The following SMAD3 variants were observed in gnomAD, a reference collection of about 807,000 sequenced individuals.
SMAD3 encodes MAD homolog 3.
A neutral mutation model predicts 51.8 loss-of-function variants in SMAD3; 12 were observed. That is an observed-to-expected ratio of 0.23 (90% CI 0.15 to 0.38). The LOEUF (loss-of-function observed/expected upper bound fraction) is 0.38, where lower values mean the gene tolerates loss of function less well. Ranked by LOEUF, SMAD3 falls within the 10% of genes least tolerant of loss-of-function variation. The pLI, the probability that SMAD3 is intolerant of heterozygous loss-of-function variation, is 1.00. For synonymous variants in SMAD3, 238 were observed against 227.7 expected (o/e 1.05, Z -0.41); for missense variants, 294 against 565.6 (o/e 0.52, Z 4.87).
chr15:67,081,162 G>A (rs973590134), intron 1 of SMAD3, among the ~76,000 whole-genome samples: 4 of 152,150 alleles, frequency 2.6e-5, no homozygotes, highest in Non-Finnish European at 5.9e-5. Flanking sequence ...AATAGAACAC[G>A]ATGCATTTCC....
chr15:67,164,609 G>C (rs944609734), intron 1 of SMAD3, among the ~76,000 whole-genome samples: 1 of 152,200 alleles, frequency 6.6e-6, no homozygotes, highest in Non-Finnish European at 1.5e-5. Flanking sequence ...CCCTTCCCAT[G>C]GAATGCCACT....
At chr15:67,135,558 T>A (rs184083653) in intron 1 of SMAD3, among the ~76,000 whole-genome samples, 279 of 152,276 alleles carry the variant, frequency 1.8e-3, no homozygotes, top group Middle Eastern at 6.8e-3. Flanking sequence ...TGTTTTTTTT[T>A]AAAAAAAACT....
In SMAD3 at chr15:67,193,145, G is replaced by C. The variant is rs1225005736; in HGVS notation, c.*2609G>C. Reference sequence around the variant, plus strand: ...CTAGTTTTCTTAGTTTTAAAATCCTGTTGTATGAATGGCATTTGTATATTA... The same window carrying C: ...CTAGTTTTCTTAGTTTTAAAATCCTCTTGTATGAATGGCATTTGTATATTA... On this transcript the variant is annotated 3_prime_UTR_variant, in exon 9 of 9. Transcript: ENST00000327367. 8.6e-6 allele frequency: 2 copies of C among 233,272 alleles called. No individual in the cohort carries two copies. Among genetic ancestry groups the C allele is most frequent in the African/African-American group, 4.4e-5 (2 of 45,344 alleles). The allele number at this position is 233,272 out of a possible 1,614,324, so 14.5% of individuals were successfully genotyped here.
chr15:67,173,651 A>G (rs1236069529), intron 5 of SMAD3, among the ~76,000 whole-genome samples: 1 of 151,980 alleles, frequency 6.6e-6, no homozygotes, highest in Non-Finnish European at 1.5e-5. Context: ...TTGATTGGGG[A>G]GGTTTTCTGA....
In SMAD3 at chr15:67,191,202, C is replaced by A; in HGVS notation, c.*666C>A. 1 of 233,680 alleles carries A rather than the reference C, an allele frequency of 4.3e-6. No individual in the cohort carries two copies. Among genetic ancestry groups the A allele is most frequent in the Non-Finnish European group, 8.5e-6 (1 of 118,298 alleles). The allele number at this position is 233,680 out of a possible 1,614,324, so 14.5% of individuals were successfully genotyped here. A position where few individuals can be genotyped will look rare whatever the true frequency, so the allele number is the denominator to read the frequency against. ...CTGCACACAGGACAGCGGGAAAAATCGATGAGCGCCACCTCTTTAAAAACT... is the reference window on the plus strand; with the variant it reads ...CTGCACACAGGACAGCGGGAAAAATAGATGAGCGCCACCTCTTTAAAAACT... On this transcript the variant is annotated 3_prime_UTR_variant, in exon 9 of 9. Transcript: ENST00000327367.
chr15:67,076,573 G>A (rs910899600), intron 1 of SMAD3, among the ~76,000 whole-genome samples: 12 of 152,202 alleles, frequency 7.9e-5, no homozygotes, highest in African/African-American at 2.9e-4. Context: ...TGACCCAGAC[G>A]TGGTGGCTAT....
chr15:67,083,242 G>A (rs1293226397), intron 1 of SMAD3, among the ~76,000 whole-genome samples: 1 of 152,228 alleles, frequency 6.6e-6, no homozygotes, highest in African/African-American at 2.4e-5. Context: ...TTGGGGAGAC[G>A]GAGGCCCTGA....
intron 1 of SMAD3, among the ~76,000 whole-genome samples, chr15:67,137,302 A>G (rs890128263): frequency 1.3e-5 from 2 of 152,220 alleles, no homozygotes; most frequent in African/African-American, 2.4e-5. Flanking sequence ...TTAGTACCAC[A>G]GCCATTTTCT....
At position 67,138,021 on chromosome 15, in the gene SMAD3, A is replaced by G. The variant is rs1961709192; in HGVS notation, c.207-26874A>G. ...CCCGTCCCTGTGACCTCCCAACTTCACAAACATGTCTTGCCTGCACCCTAG... is the reference window on the plus strand; with the variant it reads ...CCCGTCCCTGTGACCTCCCAACTTCGCAAACATGTCTTGCCTGCACCCTAG... On this transcript the variant is annotated intron_variant, in intron 1 of 8. Coordinates refer to ENST00000327367, the MANE Select transcript of SMAD3 (RefSeq NM_005902.4). 3.2e-6 allele frequency: 5 copies of G among 1,551,298 alleles called. No homozygotes were observed. The East Asian group carries it at 1.2e-4, about 38-fold the overall frequency.
At chr15:67,163,076 T>A (rs893632367) in intron 1 of SMAD3, among the ~76,000 whole-genome samples, 1 of 151,886 alleles carries the variant, frequency 6.6e-6, no homozygotes, top group Non-Finnish European at 1.5e-5. Flanking sequence ...CAGGTTCAAG[T>A]GATTCTCCTG....
intron 3 of SMAD3, chr15:67,166,527 G>C: frequency 1.7e-6 from 1 of 583,746 alleles, no homozygotes; most frequent in African/African-American, 1.9e-5. Context: ...GAGGCTCTAG[G>C]AGTACACATT....
In SMAD3 at chr15:67,194,787, T is replaced by A. The variant is rs1963460065; in HGVS notation, c.*4251T>A. The A allele has an allele frequency of 8.6e-6, 2 of 232,220 alleles. No individual in the cohort carries two copies. Among genetic ancestry groups the A allele is most frequent in the African/African-American group, 4.4e-5 (2 of 45,250 alleles). The allele number at this position is 232,220 out of a possible 1,614,324, so 14.4% of individuals were successfully genotyped here. A position where few individuals can be genotyped will look rare whatever the true frequency, so the allele number is the denominator to read the frequency against. The stretch of plus-strand genomic sequence containing the variant: ...CAGCTCTGAGTCAAATCTGGGCCCT[T>A]CCACAAGGGTCCTCTGAACCAAGCC... On this transcript the variant is annotated 3_prime_UTR_variant, in exon 9 of 9. Transcript: ENST00000327367.
chr15:67,132,861 ACTC>A (rs1460056882), intron 1 of SMAD3, among the ~76,000 whole-genome samples: 1 of 151,910 alleles, frequency 6.6e-6, no homozygotes, highest in Non-Finnish European at 1.5e-5. Flanking sequence ...ATTCTGATAA[ACTC>A]CTTGAGTTGA....
intron 1 of SMAD3, among the ~76,000 whole-genome samples, chr15:67,098,347 G>A (rs62006011): frequency 8.4e-5 from 12 of 142,668 alleles, no homozygotes; most frequent in African/African-American, 1.1e-4. Context: ...AGGGAGGGAG[G>A]GAGAGAGCGA....
intron 2 of SMAD3, 63 bp downstream of exon 2, chr15:67,165,151 C>T (rs56204991): frequency 6.3e-7 from 1 of 1,599,946 alleles, no homozygotes; most frequent in African/African-American, 1.3e-5. Flanking sequence ...CTCCCCGGCT[C>T]CCCATCCCCC....
intron 1 of SMAD3, among the ~76,000 whole-genome samples, chr15:67,115,553 T>G (rs1961116270): frequency 6.6e-6 from 1 of 152,158 alleles, no homozygotes; most frequent in African/African-American, 2.4e-5. Context: ...CATGGCCCCC[T>G]TTGGGGCGCT....
chr15:67,182,067 G>T (rs536055208), intron 6 of SMAD3, among the ~76,000 whole-genome samples: 1 of 152,190 alleles, frequency 6.6e-6, no homozygotes, highest in Non-Finnish European at 1.5e-5. Flanking sequence ...GATTACAGGC[G>T]TGAGCCACCG....
At chr15:67,172,991 G>T (rs1055514861) in intron 5 of SMAD3, among the ~76,000 whole-genome samples, 2 of 152,188 alleles carry the variant, frequency 1.3e-5, no homozygotes, top group African/African-American at 2.4e-5. Context: ...CGTTCAGGTG[G>T]GGGATTGGAA....
At chr15:67,161,988 T>G (rs1017977709) in intron 1 of SMAD3, among the ~76,000 whole-genome samples, 4 of 152,046 alleles carry the variant, frequency 2.6e-5, no homozygotes, top group Non-Finnish European at 5.9e-5. Flanking sequence ...GTAATTACTG[T>G]TTTTCAGCTG....
Sources: gnomAD v4.1 joint callset for allele counts (sites outside exome capture counted in the v4.1 genomes callset) on GRCh38, gnomAD v4.1.1 for gene constraint, MANE v1.5 for transcripts, NCBI Gene and HGNC (gene_info 2026-07-23, HGNC 2026-07-21) for gene names.